RORA: variants seen among roughly 807,000 people sequenced by gnomAD.
The protein encoded by RORA is RAR related orphan receptor A, also known as nuclear receptor ROR-alpha.
Under a neutral mutation model 69.5 loss-of-function variants are expected in RORA, and 7 were observed. The observed-to-expected ratio is 0.10, with a 90% CI of 0.06 to 0.19. The LOEUF is 0.19. Ranked by LOEUF, RORA falls within the 10% of genes least tolerant of loss-of-function variation. RORA has a pLI of 1.00. For synonymous variants in RORA, 261 were observed against 240.8 expected, an observed-to-expected ratio of 1.08 and a Z score of -0.78; for missense variants, 457 against 663.0, an observed-to-expected ratio of 0.69 and a Z score of 3.41.
intron 1 of RORA, among the ~76,000 whole-genome samples, chr15:60,879,092 GC>G (rs2073651091): frequency 6.6e-6 from 1 of 152,132 alleles, no homozygotes; most frequent in African/African-American, 2.4e-5. Context: ...GTCCTCTACT[GC>G]CCAAGTTCCT....
chr15:60,854,136 T>A (rs1363844204), intron 1 of RORA, among the ~76,000 whole-genome samples: 1 of 151,974 alleles, frequency 6.6e-6, no homozygotes, highest in Non-Finnish European at 1.5e-5. Context: ...GTGGTGCGCA[T>A]CTGTAGGCCC....
rs181979919 is a variant in RORA at position 60,942,219 on chromosome 15, T to C, written c.167-263533A>G. Among the ~76,000 whole-genome samples the C allele has an allele frequency of 6.1e-4, 93 of 152,284 alleles. 1 individual carries two copies. The highest frequency in any genetic ancestry group is 6.8e-3 in the Middle Eastern group (2 of 294). Reference sequence around the variant, plus strand: ...GGTCAGCTACTGTGCACACAGTAGATCTTTCAGACCTTACAACTAGATGTG... The same window carrying C: ...GGTCAGCTACTGTGCACACAGTAGACCTTTCAGACCTTACAACTAGATGTG... On this transcript the variant is annotated intron_variant, in intron 1 of 10. Coordinates refer to ENST00000335670, the MANE Select transcript of RORA (RefSeq NM_134261.3).
chr15:60,781,620 G>A (rs2072257987), intron 1 of RORA, among the ~76,000 whole-genome samples: 1 of 151,630 alleles, frequency 6.6e-6, no homozygotes. Context: ...CCGAGTGCAA[G>A]CTCCCTTAAC....
intron 3 of RORA, among the ~76,000 whole-genome samples, chr15:60,519,394 G>A (rs2066080549): frequency 6.6e-6 from 1 of 152,188 alleles, no homozygotes; most frequent in Non-Finnish European, 1.5e-5. Context: ...GAGGTGTAGT[G>A]ACTTGCTCAG....
chr15:60,713,329 C>T (rs1369838667), intron 1 of RORA, among the ~76,000 whole-genome samples: 10 of 152,132 alleles, frequency 6.6e-5, no homozygotes, highest in Non-Finnish European at 1.2e-4. Context: ...CCTACCCCCA[C>T]TTTACCCACT....
chr15:60,944,646 G>GCC (rs1892809202), intron 1 of RORA, among the ~76,000 whole-genome samples: 2 of 146,284 alleles, frequency 1.4e-5, no homozygotes, highest in Non-Finnish European at 3.0e-5. Context: ...GACTGCTTGA[G>GCC]CAAAAGGGGC....
At chr15:61,146,484 G>A (rs1816626) in intron 1 of RORA, among the ~76,000 whole-genome samples, 40 of 142,326 alleles carry the variant, frequency 2.8e-4, no homozygotes, top group African/African-American at 6.2e-4. Context: ...ACACACACAC[G>A]CACACACAGC....
intron 2 of RORA, among the ~76,000 whole-genome samples, chr15:60,647,624 AT>A (rs551898063): frequency 1.3e-5 from 2 of 152,214 alleles, no homozygotes; most frequent in East Asian, 1.9e-4. Context: ...TTACTAGTAC[AT>A]TTTTTTGTCT....
chr15:60,535,020 C>A (rs978226406), intron 2 of RORA, among the ~76,000 whole-genome samples: 1 of 152,114 alleles, frequency 6.6e-6, no homozygotes, highest in South Asian at 2.1e-4. Context: ...GACAAAAATC[C>A]CTCTGCCCTT....
intron 2 of RORA, among the ~76,000 whole-genome samples, chr15:60,613,696 C>CTGTG (rs66616801): frequency 0.074 from 9,294 of 125,190 alleles, 447 homozygotes; most frequent in South Asian, 0.17. Flanking sequence ...AATTTGATAT[C>CTGTG]TGTGTGTGTG....
intron 9 of RORA, among the ~76,000 whole-genome samples, 193 bp downstream of exon 9, chr15:60,500,766 A>G (rs1245784599): frequency 1.3e-5 from 2 of 152,228 alleles, no homozygotes; most frequent in Non-Finnish European, 2.9e-5. Flanking sequence ...TTTTCTCAAA[A>G]GAATATATGT....
intron 2 of RORA, among the ~76,000 whole-genome samples, chr15:60,596,493 T>C (rs760217845): frequency 9.9e-5 from 15 of 152,100 alleles, no homozygotes; most frequent in Non-Finnish European, 1.6e-4. Flanking sequence ...CCAAGTTTCC[T>C]ATAAACACAA....
At chr15:61,154,406 T>C (rs1460298618) in intron 1 of RORA, among the ~76,000 whole-genome samples, 1 of 152,094 alleles carries the variant, frequency 6.6e-6, no homozygotes, top group Admixed American at 6.5e-5. Flanking sequence ...ATGCCCTGGC[T>C]TTCAAGGTGA....
chr15:60,612,618 G>A (rs796758125), intron 2 of RORA, among the ~76,000 whole-genome samples: 1 of 149,560 alleles, frequency 6.7e-6, no homozygotes, highest in African/African-American at 2.5e-5. Context: ...GCTGAAATCC[G>A]AGACACCTCT....
intron 2 of RORA, among the ~76,000 whole-genome samples, chr15:60,657,931 G>A (rs1322532698): frequency 6.6e-6 from 1 of 152,092 alleles, no homozygotes; most frequent in Non-Finnish European, 1.5e-5. Context: ...AGTGAGGGGT[G>A]GGGATTCCTA....
intron 2 of RORA, among the ~76,000 whole-genome samples, chr15:60,561,478 A>G (rs1157244583): frequency 1.3e-5 from 2 of 151,920 alleles, no homozygotes; most frequent in South Asian, 2.1e-4. Flanking sequence ...AAAAAGTTAA[A>G]CTCTTTAACT....
chr15:61,050,355 A>G (rs1897237252), intron 1 of RORA, among the ~76,000 whole-genome samples: 2 of 152,202 alleles, frequency 1.3e-5, no homozygotes, highest in South Asian at 4.1e-4. Flanking sequence ...AACCTACTTC[A>G]CTCATGATAT....
chr15:60,847,913 C>A (rs995832427), intron 1 of RORA: 2 of 152,240 alleles, frequency 1.3e-5, no homozygotes, highest in African/African-American at 4.8e-5. Context: ...CTGTCTTCAT[C>A]CATGTACAAG....
chr15:61,133,468 G>T (rs2079209949), intron 1 of RORA, among the ~76,000 whole-genome samples: 1 of 152,174 alleles, frequency 6.6e-6, no homozygotes, highest in Admixed American at 6.5e-5. Context: ...AAAGTAAAAA[G>T]AATCTGGAGA....
Sources: allele counts gnomAD v4.1 joint callset (sites outside exome capture counted in the v4.1 genomes callset), GRCh38; gene constraint gnomAD v4.1.1; transcripts MANE v1.5; gene names NCBI Gene and HGNC (gene_info 2026-07-23, HGNC 2026-07-21).